Variants in NUP155 observed in about 807,000 individuals in gnomAD.
The protein encoded by NUP155 is nucleoporin 155, also known as nuclear pore complex protein Nup155.
Under a neutral mutation model 180.4 loss-of-function variants are expected in NUP155, and 71 were observed. The observed-to-expected ratio is 0.39, with a 90% CI of 0.33 to 0.48. NUP155 has a LOEUF of 0.48. NUP155 is among the 20% of genes least tolerant of loss of function. The pLI, the probability that NUP155 is intolerant of heterozygous loss-of-function variation, is 0.91. For synonymous variants in NUP155, 582 were observed against 559.5 expected (o/e 1.04, Z -0.57); for missense variants, 1,553 against 1,648.9 (o/e 0.94, Z 1.01).
At chr5:37,345,465 C>T (rs1373743815) in intron 9 of NUP155, among the ~76,000 whole-genome samples, 2 of 145,688 alleles carry the variant, frequency 1.4e-5, no homozygotes, top group Non-Finnish European at 3.0e-5. Flanking sequence ...AAGCCACGAT[C>T]GCACCACTGT....
rs183815163 is a variant in NUP155, at chr5:37,299,608, T to G, written c.3562-40A>C. On this transcript the variant is annotated intron_variant, in intron 30 of 34. Coordinates refer to ENST00000231498, the MANE Select transcript of NUP155 (RefSeq NM_153485.3). Reference sequence around the variant, plus strand: ...CCCAAAATTAACATCCAACTAGAGATCAACATTCAGAGATTAATAGTGAAG... The same window carrying G: ...CCCAAAATTAACATCCAACTAGAGAGCAACATTCAGAGATTAATAGTGAAG... The G allele has an allele frequency of 8.7e-6, 14 of 1,604,436 alleles. No individual in the cohort carries two copies. In the East Asian group the frequency reaches 1.3e-4, roughly 15 times the overall value.
chr5:37,325,849 A>T, intron 19 of NUP155, 52 bp downstream of exon 19: 1 of 1,074,252 alleles, frequency 9.3e-7, no homozygotes, highest in Non-Finnish European at 1.4e-6. Flanking sequence ...CTAACCATTT[A>T]TACCATCAAC....
chr5:37,356,023 A>G (rs893906932), intron 4 of NUP155, among the ~76,000 whole-genome samples: 2 of 151,866 alleles, frequency 1.3e-5, no homozygotes, highest in African/African-American at 4.8e-5. Context: ...TGAGGTCGGG[A>G]GTTCAAGACC....
chr5:37,340,283 G>GTT (rs2150975559), intron 11 of NUP155, among the ~76,000 whole-genome samples: 1 of 151,976 alleles, frequency 6.6e-6, no homozygotes, highest in South Asian at 2.1e-4. Context: ...TCTACAAAAA[G>GTT]TACAAAAATT....
chr5:37,332,721 G>A (rs959107779), intron 13 of NUP155, among the ~76,000 whole-genome samples: 1 of 152,254 alleles, frequency 6.6e-6, no homozygotes, highest in Admixed American at 6.5e-5. Context: ...CACTGTGGGA[G>A]GATGAGGTGG....
chr5:37,310,845 T>C (rs982900218), intron 22 of NUP155, 102 bp from the exon 23 acceptor site: 11 of 975,048 alleles, frequency 1.1e-5, no homozygotes, highest in Admixed American at 2.6e-5. Context: ...ATTAATAGAC[T>C]CTATAATTGA....
At chr5:37,350,302 A>G (rs774656146) in intron 6 of NUP155, 37 bp from the exon 7 acceptor site, 1 of 1,356,988 alleles carries the variant, frequency 7.4e-7, no homozygotes, top group South Asian at 1.2e-5. Flanking sequence ...TTATAAAAGT[A>G]TGTAACTCCC....
intron 4 of NUP155, among the ~76,000 whole-genome samples, chr5:37,356,222 T>G (rs1432757808): frequency 1.7e-5 from 2 of 115,288 alleles, no homozygotes; most frequent in Non-Finnish European, 3.6e-5. Flanking sequence ...AGAGCAAAAT[T>G]CCATCTCAAA....
chr5:37,332,589 CA>C (rs1745051454), intron 13 of NUP155, among the ~76,000 whole-genome samples: 1 of 151,924 alleles, frequency 6.6e-6, no homozygotes, highest in African/African-American at 2.4e-5. Flanking sequence ...GTTTTTGCAC[CA>C]ATCAATAAAC....
chr5:37,362,470 T>G (rs542175576), intron 3 of NUP155, among the ~76,000 whole-genome samples: 19 of 152,180 alleles, frequency 1.2e-4, no homozygotes, highest in African/African-American at 4.6e-4. Context: ...GTATTTTTAG[T>G]AGAGATGGGC....
chr5:37,306,227 C>T (rs952591122), intron 25 of NUP155, among the ~76,000 whole-genome samples: 9 of 151,492 alleles, frequency 5.9e-5, no homozygotes, highest in Non-Finnish European at 1.3e-4. Flanking sequence ...CCTGTCTCTA[C>T]AGAAATTAAA....
chr5:37,330,483 T>C (rs1414160597), intron 14 of NUP155, among the ~76,000 whole-genome samples: 4 of 152,120 alleles, frequency 2.6e-5, no homozygotes, highest in Non-Finnish European at 5.9e-5. Context: ...ATTTTAAGAG[T>C]TTAGCATATA....
chr5:37,348,672 G>T, intron 8 of NUP155, 76 bp from the exon 9 acceptor site: 2 of 871,824 alleles, frequency 2.3e-6, no homozygotes, highest in South Asian at 1.4e-5. Flanking sequence ...TCTTTTAAGG[G>T]ATCCTTTAAT....
chr5:37,337,306 G>T (rs1745393719), intron 12 of NUP155, among the ~76,000 whole-genome samples: 2 of 151,974 alleles, frequency 1.3e-5, no homozygotes, highest in South Asian at 4.2e-4. Flanking sequence ...CAATAAGAAA[G>T]ATGTTGGCAA....
rs771758869 is a variant in NUP155 at position 37,298,841 on chromosome 5, G to T, written c.3793+27C>A. 6.0e-6 allele frequency: 7 copies of T among 1,168,232 alleles called. No individual in the cohort carries two copies. In the Middle Eastern group the frequency reaches 7.6e-4, roughly 127 times the overall value. 72.4% of individuals were successfully genotyped at this position (1,168,232 alleles called of 1,614,324 possible). A position where few individuals can be genotyped will look rare whatever the true frequency, so the allele number is the denominator to read the frequency against. ...AGAAAACCATCAGAACAGAAAATAC[G>T]TGACTGCACCTAAGATCACAGCTTA... On this transcript the variant is annotated intron_variant, in intron 32 of 34. Coordinates refer to ENST00000231498, the MANE Select transcript of NUP155 (RefSeq NM_153485.3).
At chr5:37,328,535 T>C (rs902943476) in intron 16 of NUP155, 115 bp from the exon 17 acceptor site, 4 of 748,564 alleles carry the variant, frequency 5.3e-6, no homozygotes, top group African/African-American at 3.5e-5. Flanking sequence ...GCAGGGTCTC[T>C]TTCTGTGGCC....
intron 32 of NUP155, among the ~76,000 whole-genome samples, chr5:37,296,038 G>A (rs1408119847): frequency 1.4e-5 from 2 of 142,404 alleles, no homozygotes; most frequent in Admixed American, 6.8e-5. Context: ...CAGCCGCCCT[G>A]TCCGGGAGGG....
chr5:37,348,765 T>C (rs893098039), intron 8 of NUP155, among the ~76,000 whole-genome samples, 169 bp from the exon 9 acceptor site: 2 of 152,026 alleles, frequency 1.3e-5, no homozygotes, highest in African/African-American at 4.8e-5. Context: ...AGTTGGGCTT[T>C]TTTTTTTTGA....
chr5:37,327,445 A>G (rs1308370808), intron 18 of NUP155, among the ~76,000 whole-genome samples, 184 bp downstream of exon 18: 1 of 152,224 alleles, frequency 6.6e-6, no homozygotes, highest in African/African-American at 2.4e-5. Flanking sequence ...GAGAAATAAA[A>G]CACAGCAATG....
Sources: gnomAD v4.1 joint callset for allele counts (sites outside exome capture counted in the v4.1 genomes callset) on GRCh38, gnomAD v4.1.1 for gene constraint, MANE v1.5 for transcripts, NCBI Gene and HGNC (gene_info 2026-07-23, HGNC 2026-07-21) for gene names.